BEGAIN: variants seen among roughly 807,000 people sequenced by gnomAD.
BEGAIN encodes the protein brain-enriched guanylate kinase-associated protein.
BEGAIN carries 19 observed loss-of-function variants against 35.8 expected under a neutral mutation model. The ratio of observed to expected loss-of-function variants is 0.53; its 90% CI spans 0.37 to 0.78. The LOEUF (loss-of-function observed/expected upper bound fraction) is 0.78, where lower values mean the gene tolerates loss of function less well. Among genes scored for constraint, BEGAIN ranks in the 30% least tolerant of loss-of-function variants. BEGAIN has a pLI of 0.00. For synonymous variants in BEGAIN, 462 were observed against 388.6 expected (o/e 1.19, Z -2.22); for missense variants, 795 against 853.6 (o/e 0.93, Z 0.85).
chr14:100,576,029 A>T (rs879943332), intron 1 of BEGAIN, among the ~76,000 whole-genome samples: 1 of 152,138 alleles, frequency 6.6e-6, no homozygotes, highest in Non-Finnish European at 1.5e-5. Flanking sequence ...AACAATGCTT[A>T]TTAGGTGCCT....
intron 2 of BEGAIN, among the ~76,000 whole-genome samples, chr14:100,565,785 G>C (rs2034637443): frequency 6.6e-6 from 1 of 152,204 alleles, no homozygotes; most frequent in Non-Finnish European, 1.5e-5. Flanking sequence ...GGGGCTCACG[G>C]CACCCAACAT....
In BEGAIN at chr14:100,568,264, C is replaced by T. The variant is rs2034888874; in HGVS notation, c.43-325G>A. 3.1e-6 allele frequency: 2 copies of T among 635,696 alleles called. No individual in the cohort carries two copies. The highest frequency in any genetic ancestry group is 2.0e-5 in the African/African-American group (1 of 50,566). 39.4% of individuals were successfully genotyped at this position (635,696 alleles called of 1,614,324 possible). ...CGGCCTCGCCCGGAGGAGGGGGACT[C>T]GGCCTGTCCCCGTTAACTCTCCGGC... On this transcript the variant is annotated intron_variant, in intron 1 of 6. Transcript: ENST00000554140. The surrounding 1 kb of genome is among the most constrained non-coding windows in gnomAD (Gnocchi z 7.5).
At chr14:100,584,139 C>G (rs551072667) in intron 1 of BEGAIN, among the ~76,000 whole-genome samples, 1 of 152,354 alleles carries the variant, frequency 6.6e-6, no homozygotes, top group South Asian at 2.1e-4. Context: ...TCCCAGCATG[C>G]ACCCACTGTG....
At chr14:100,569,153 G>A (rs992646637) in intron 1 of BEGAIN, 6 of 156,202 alleles carry the variant, frequency 3.8e-5, no homozygotes, top group African/African-American at 1.4e-4. Context: ...TCACCTGAAA[G>A]CTGGGGGGAA....
At chr14:100,543,061 C>T (rs1388069531) in intron 5 of BEGAIN, among the ~76,000 whole-genome samples, 3 of 152,224 alleles carry the variant, frequency 2.0e-5, no homozygotes, top group Non-Finnish European at 1.5e-5. Flanking sequence ...ACCACGGTTG[C>T]TTCTGCCTGG....
chr14:100,576,413 T>A (rs1435482695), intron 1 of BEGAIN, among the ~76,000 whole-genome samples: 1 of 152,150 alleles, frequency 6.6e-6, no homozygotes, highest in African/African-American at 2.4e-5. Context: ...GCGCCCAAGC[T>A]GGGGGTCAGA....
rs116744075 is a variant in BEGAIN, at chr14:100,542,446, G to A, written c.408+1412C>T. ...TCTGCATGCTGCCTGGGCAGTCTCCGCCGGCATGCCGGCCTTCACGCTCAA... is the reference window on the plus strand; with the variant it reads ...TCTGCATGCTGCCTGGGCAGTCTCCACCGGCATGCCGGCCTTCACGCTCAA... On this transcript the variant is annotated intron_variant, in intron 5 of 6. Transcript: ENST00000554140. Among the ~76,000 whole-genome samples the A allele has an allele frequency of 1.7e-3, 259 of 152,278 alleles. 2 individuals carry two copies. The highest frequency in any genetic ancestry group is 5.9e-3 in the African/African-American group (247 of 41,540).
Position 100,537,853 on chromosome 14 carries a change from T to C in BEGAIN, c.*116A>G. On this transcript the variant is annotated 3_prime_UTR_variant, in exon 7 of 7. Coordinates refer to ENST00000554140, the MANE Select transcript of BEGAIN (RefSeq NM_001385089.1). Reference sequence around the variant, plus strand: ...AGAGGAGGTGCGGGGAGGAACAGACTCCTCGTTGTTGGCCGGGGCAGGGGA... The same window carrying C: ...AGAGGAGGTGCGGGGAGGAACAGACCCCTCGTTGTTGGCCGGGGCAGGGGA... 5.7e-6 allele frequency: 8 copies of C among 1,406,992 alleles called. No homozygotes were observed. Among genetic ancestry groups the C allele is most frequent in the Non-Finnish European group, 7.5e-6 (8 of 1,070,272 alleles). The allele number at this position is 1,406,992 out of a possible 1,614,324, so 87.2% of individuals were successfully genotyped here. A position where few individuals can be genotyped will look rare whatever the true frequency, so the allele number is the denominator to read the frequency against.
intron 2 of BEGAIN, among the ~76,000 whole-genome samples, chr14:100,560,860 G>C (rs943897282): frequency 6.6e-6 from 1 of 152,160 alleles, no homozygotes; most frequent in Non-Finnish European, 1.5e-5. Context: ...GGACAGACAC[G>C]AGCTGCCCTC....
intron 2 of BEGAIN, among the ~76,000 whole-genome samples, chr14:100,560,730 T>A (rs1441413176): frequency 6.6e-6 from 1 of 152,120 alleles, no homozygotes; most frequent in African/African-American, 2.4e-5. Context: ...GCAGAGGAAG[T>A]GGGGCTGAGA....
intron 1 of BEGAIN, among the ~76,000 whole-genome samples, chr14:100,581,556 T>G (rs547714443): frequency 5.6e-4 from 85 of 152,272 alleles, no homozygotes; most frequent in African/African-American, 2.0e-3. Context: ...GTGCTGTGCA[T>G]GCGTCATCAC....
At chr14:100,550,622 G>A (rs1360982238) in intron 2 of BEGAIN, 1 of 397,582 alleles carries the variant, frequency 2.5e-6, no homozygotes, top group South Asian at 1.3e-4. Context: ...GAGACCGAGA[G>A]AGATGGGGAG....
intron 2 of BEGAIN, 167 bp from the exon 3 acceptor site, chr14:100,546,829 C>T: frequency 1.8e-6 from 1 of 550,934 alleles, no homozygotes; most frequent in Non-Finnish European, 2.9e-6. Context: ...CACACCCAGC[C>T]TCCCGGGCGT....
intron 2 of BEGAIN, among the ~76,000 whole-genome samples, chr14:100,566,755 C>T (rs998093021): frequency 1.3e-4 from 20 of 152,206 alleles, no homozygotes; most frequent in Non-Finnish European, 2.8e-4. Context: ...GAGACTGGAC[C>T]CCTCCTCCCA....
intron 2 of BEGAIN, among the ~76,000 whole-genome samples, chr14:100,556,401 C>T (rs906313506): frequency 2.0e-4 from 30 of 152,210 alleles, no homozygotes; most frequent in African/African-American, 7.0e-4. Context: ...CCTGGGGAGC[C>T]CTCGGAGGGT....
At chr14:100,562,792 CTTCCT>C (rs2139669487) in intron 2 of BEGAIN, among the ~76,000 whole-genome samples, 1 of 152,304 alleles carries the variant, frequency 6.6e-6, no homozygotes, top group Admixed American at 6.5e-5. Flanking sequence ...CACTCACTGC[CTTCCT>C]TTCTTTTTGT....
At chr14:100,561,224 C>T (rs560698169) in intron 2 of BEGAIN, among the ~76,000 whole-genome samples, 1 of 152,320 alleles carries the variant, frequency 6.6e-6, no homozygotes, top group Admixed American at 6.5e-5. Context: ...CAGAGGGCCC[C>T]ACGCTGCCAG....
intron 3 of BEGAIN, chr14:100,546,244 T>C: frequency 4.4e-6 from 1 of 226,610 alleles, no homozygotes; most frequent in Non-Finnish European, 9.3e-6. Flanking sequence ...GAGCTTCCCC[T>C]ACCAGAACCT....
rs2139711473 is a variant in BEGAIN at position 100,567,579 on chromosome 14, C to G, written c.71+332G>C. ...CGGAACCCGGAGGGTCCCCGGGGAC[C>G]AGCGAGAGTCCAGGGCAGGGAGCCA... On this transcript the variant is annotated intron_variant, in intron 2 of 6. Transcript: ENST00000554140. This position sits in a 1 kb window ranked among gnomAD's most constrained non-coding sequence, Gnocchi z 5.1. Among the ~76,000 whole-genome samples the G allele has an allele frequency of 6.6e-6, 1 of 152,042 alleles. No individual in the cohort carries two copies. Among genetic ancestry groups the G allele is most frequent in the East Asian group, 2.0e-4 (1 of 5,106 alleles).
Sources: gnomAD v4.1 joint callset for allele counts (sites outside exome capture counted in the v4.1 genomes callset) on GRCh38, gnomAD v4.1.1 for gene constraint, Gnocchi (gnomAD v3.1) non-coding constraint, MANE v1.5 for transcripts, NCBI Gene and HGNC (gene_info 2026-07-23, HGNC 2026-07-21) for gene names.